The following ELMO1 variants were observed in gnomAD, a reference collection of about 807,000 sequenced individuals.
ELMO1 encodes the protein engulfment and cell motility protein 1.
In ELMO1, 26 loss-of-function variants were observed where a neutral mutation model predicts 98.9. The observed-to-expected ratio is 0.26, with a 90% CI of 0.19 to 0.36. The LOEUF (loss-of-function observed/expected upper bound fraction) is 0.36, where lower values mean the gene tolerates loss of function less well. ELMO1 is among the 10% of genes least tolerant of loss of function. The probability of loss-of-function intolerance (pLI) is 1.00; values close to 1 mark genes in which losing one functional copy is unlikely to be tolerated. For synonymous variants in ELMO1, 346 were observed against 346.0 expected, an observed-to-expected ratio of 1.00 and a Z score of 0.00; for missense variants, 627 against 935.2, an observed-to-expected ratio of 0.67 and a Z score of 4.30.
chr7:37,103,792 C>T (rs1347619735), intron 14 of ELMO1, among the ~76,000 whole-genome samples: 5 of 151,380 alleles, frequency 3.3e-5, no homozygotes, highest in South Asian at 4.2e-4. Flanking sequence ...GTCAGGAGAT[C>T]AAAACCATCC....
chr7:36,991,627 A>C (rs1791884691), intron 16 of ELMO1, among the ~76,000 whole-genome samples: 1 of 152,198 alleles, frequency 6.6e-6, no homozygotes, highest in African/African-American at 2.4e-5. Context: ...CCATGGAAAC[A>C]TTCCCATACG....
At chr7:37,325,116 A>G (rs74351955) in intron 2 of ELMO1, among the ~76,000 whole-genome samples, 1 of 152,218 alleles carries the variant, frequency 6.6e-6, no homozygotes, top group African/African-American at 2.4e-5. Context: ...TTAAAAAAAA[A>G]TGCTGGTTAA....
chr7:37,322,166 T>G (rs1016714568), intron 2 of ELMO1, among the ~76,000 whole-genome samples: 1 of 151,728 alleles, frequency 6.6e-6, no homozygotes, highest in African/African-American at 2.4e-5. Context: ...CCCTAAGAAT[T>G]AACTTCTGTA....
At chr7:36,875,736 G>A (rs997052723) in intron 19 of ELMO1, among the ~76,000 whole-genome samples, 2 of 152,142 alleles carry the variant, frequency 1.3e-5, no homozygotes, top group Non-Finnish European at 2.9e-5. Context: ...CTGGAGTCTT[G>A]GGGGTGAGGG....
At chr7:36,937,732 T>TA (rs531170676) in intron 16 of ELMO1, among the ~76,000 whole-genome samples, 130 of 152,356 alleles carry the variant, frequency 8.5e-4, no homozygotes, top group African/African-American at 3.0e-3. Flanking sequence ...ATTTCCTCCC[T>TA]AAAAGCACCA....
intron 15 of ELMO1, among the ~76,000 whole-genome samples, chr7:37,048,996 A>C (rs570338748): frequency 6.6e-6 from 1 of 152,294 alleles, no homozygotes; most frequent in East Asian, 1.9e-4. Context: ...AGGGAGACCC[A>C]CTGGGAAAGC....
chr7:37,250,594 C>T (rs1795290718), intron 6 of ELMO1, among the ~76,000 whole-genome samples: 1 of 152,044 alleles, frequency 6.6e-6, no homozygotes, highest in Non-Finnish European at 1.5e-5. Flanking sequence ...AGATCAAGAC[C>T]ATCCTGGCTA....
chr7:37,155,640 T>C (rs1483643099), intron 13 of ELMO1, among the ~76,000 whole-genome samples: 4 of 152,140 alleles, frequency 2.6e-5, no homozygotes, highest in Admixed American at 6.5e-5. Flanking sequence ...TAAATATATA[T>C]GCACCCAATA....
rs1010168563 is a variant in ELMO1, at chr7:37,375,950, C to T, written c.-73-33187G>A. ...CCTGGTGCCAACAAGAAAGTAGAGG[C>T]TGGGGCTGGGTCAGCAACTGAATTC... On this transcript the variant is annotated intron_variant, in intron 1 of 21. Transcript: ENST00000310758. The T allele has an allele frequency of 7.4e-5, 46 of 618,450 alleles. No individual in the cohort carries two copies. The East Asian group carries it at 1.4e-3, about 19-fold the overall frequency. 38.3% of individuals were successfully genotyped at this position (618,450 alleles called of 1,614,324 possible). A position where few individuals can be genotyped will look rare whatever the true frequency, so the allele number is the denominator to read the frequency against.
chr7:37,293,591 C>A (rs1380044124), intron 4 of ELMO1, among the ~76,000 whole-genome samples: 1 of 109,092 alleles, frequency 9.2e-6, no homozygotes, highest in East Asian at 2.2e-4. Context: ...CGGAAGGCCG[C>A]AGGGTCCTCT....
rs535370651 is a variant in ELMO1 at position 36,877,010 on chromosome 7, G to A, written c.1822+1000C>T. On this transcript the variant is annotated intron_variant, in intron 19 of 21. Transcript: ENST00000310758. The stretch of plus-strand genomic sequence containing the variant: ...TCTAGGCTATCTGCCTGAGATGTCA[G>A]CGCAGAGTCTGAATGTGTCAGGAAA... Among the ~76,000 whole-genome samples the A allele has an allele frequency of 2.0e-5, 3 of 152,358 alleles. No homozygotes were observed. In the South Asian group the frequency reaches 6.2e-4, roughly 32 times the overall value.
chr7:37,225,360 T>A (rs1793808092), intron 8 of ELMO1, among the ~76,000 whole-genome samples: 2 of 152,244 alleles, frequency 1.3e-5, no homozygotes, highest in Admixed American at 6.5e-5. Flanking sequence ...ACATATATTG[T>A]AAGGATACCT....
intron 16 of ELMO1, among the ~76,000 whole-genome samples, chr7:36,982,835 A>T (rs1285150042): frequency 6.6e-6 from 1 of 152,194 alleles, no homozygotes; most frequent in Non-Finnish European, 1.5e-5. Flanking sequence ...ATAGAAGGGG[A>T]GATGCAGTGG....
At chr7:36,903,820 T>G (rs749749854) in intron 16 of ELMO1, among the ~76,000 whole-genome samples, 4 of 152,246 alleles carry the variant, frequency 2.6e-5, no homozygotes, top group Non-Finnish European at 5.9e-5. Context: ...AGTCCTCCGC[T>G]TGTTACTGCC....
At chr7:37,279,752 G>T (rs1797044020) in intron 4 of ELMO1, among the ~76,000 whole-genome samples, 1 of 152,198 alleles carries the variant, frequency 6.6e-6, no homozygotes, top group Non-Finnish European at 1.5e-5. Context: ...GTGGCCAGTG[G>T]AGCAGGGGGT....
At chr7:36,881,039 T>C (rs547764693) in intron 18 of ELMO1, among the ~76,000 whole-genome samples, 13 of 152,296 alleles carry the variant, frequency 8.5e-5, no homozygotes, top group African/African-American at 3.1e-4. Context: ...TGTCTACTAC[T>C]AAAACGATAA....
At chr7:37,199,039 C>T (rs992605504) in intron 13 of ELMO1, among the ~76,000 whole-genome samples, 5 of 152,168 alleles carry the variant, frequency 3.3e-5, no homozygotes, top group South Asian at 2.1e-4. Context: ...TTGATAGGCG[C>T]GCCCCCTAGT....
chr7:37,005,547 C>T (rs1334467956), intron 16 of ELMO1, among the ~76,000 whole-genome samples: 1 of 151,968 alleles, frequency 6.6e-6, no homozygotes, highest in Non-Finnish European at 1.5e-5. Context: ...CAAAAATTAA[C>T]CAGGCCTCGT....
chr7:37,016,584 A>G (rs897189257), intron 15 of ELMO1, among the ~76,000 whole-genome samples: 3 of 151,650 alleles, frequency 2.0e-5, no homozygotes, highest in African/African-American at 7.3e-5. Context: ...TTCAACATAA[A>G]CCCAGATCAT....
Sources: gnomAD v4.1 joint callset for allele counts (sites outside exome capture counted in the v4.1 genomes callset) on GRCh38, gnomAD v4.1.1 for gene constraint, MANE v1.5 for transcripts, NCBI Gene and HGNC (gene_info 2026-07-23, HGNC 2026-07-21) for gene names.